PSD3: variants seen among roughly 807,000 people sequenced by gnomAD.
The protein encoded by PSD3 is pleckstrin and Sec7 domain containing 3.
In PSD3, 49 loss-of-function variants were observed where a neutral mutation model predicts 105.5. That is an observed-to-expected ratio of 0.46 (90% CI 0.37 to 0.59). PSD3 has a LOEUF of 0.59. Among genes scored for constraint, PSD3 ranks in the 20% least tolerant of loss-of-function variants. PSD3 has a pLI of 0.00. For synonymous variants in PSD3, 557 were observed against 457.8 expected (o/e 1.22, Z -2.77); for missense variants, 1,561 against 1,263.8 (o/e 1.24, Z -3.57).
intron 9 of PSD3, among the ~76,000 whole-genome samples, chr8:18,765,232 C>G (rs1016666144): frequency 1.3e-5 from 2 of 152,106 alleles, no homozygotes; most frequent in African/African-American, 4.8e-5. Context: ...ATTTACTTAC[C>G]TCAGTATTAT....
chr8:18,808,101 T>C (rs1199976755), intron 4 of PSD3, among the ~76,000 whole-genome samples: 1 of 152,246 alleles, frequency 6.6e-6, no homozygotes, highest in Non-Finnish European at 1.5e-5. Context: ...CTTTGTGTTT[T>C]CCCATACAAG....
chr8:18,675,096 T>TGGG (rs745547037), intron 9 of PSD3, among the ~76,000 whole-genome samples: 1 of 152,196 alleles, frequency 6.6e-6, no homozygotes, highest in Non-Finnish European at 1.5e-5. Context: ...AGTCAAGAGC[T>TGGG]GCTTCTCTCA....
chr8:18,690,433 C>G (rs935398922), intron 9 of PSD3, among the ~76,000 whole-genome samples: 8 of 152,190 alleles, frequency 5.3e-5, no homozygotes, highest in African/African-American at 1.9e-4. Flanking sequence ...AAACGTACTG[C>G]TTTATTTTTC....
chr8:18,992,420 C>G (rs966628477), intron 1 of PSD3, among the ~76,000 whole-genome samples: 2 of 152,134 alleles, frequency 1.3e-5, no homozygotes, highest in African/African-American at 2.4e-5. Context: ...TGGCACACAC[C>G]TCAATAAATA....
At chr8:18,952,187 T>C (rs1018128426) in intron 1 of PSD3, among the ~76,000 whole-genome samples, 69 of 152,278 alleles carry the variant, frequency 4.5e-4, no homozygotes, top group Admixed American at 1.4e-3. Context: ...TAAAGACGTC[T>C]ACATCCTACT....
intron 1 of PSD3, among the ~76,000 whole-genome samples, chr8:18,942,377 G>C (rs1010467213): frequency 4.6e-5 from 7 of 152,150 alleles, no homozygotes; most frequent in African/African-American, 1.7e-4. Flanking sequence ...GCAGAAGCCA[G>C]GCCCATGGAA....
intron 9 of PSD3, among the ~76,000 whole-genome samples, chr8:18,732,177 C>T (rs546060109): frequency 7.4e-4 from 112 of 151,562 alleles, no homozygotes; most frequent in Non-Finnish European, 1.4e-3. Context: ...TCCTCCCCCC[C>T]GAAAAAAAAA....
At chr8:18,709,292 C>A (rs1326682319) in intron 9 of PSD3, among the ~76,000 whole-genome samples, 2 of 152,144 alleles carry the variant, frequency 1.3e-5, no homozygotes, top group Admixed American at 1.3e-4. Context: ...GGCAGGGTCT[C>A]CCCACATGAA....
intron 10 of PSD3, among the ~76,000 whole-genome samples, chr8:18,653,962 G>A (rs1189432623): frequency 6.6e-6 from 1 of 152,038 alleles, no homozygotes; most frequent in East Asian, 1.9e-4. Flanking sequence ...GCAAGATTCT[G>A]ACTATATCCT....
At chr8:18,657,388 G>C (rs983016357) in intron 9 of PSD3, among the ~76,000 whole-genome samples, 1 of 152,156 alleles carries the variant, frequency 6.6e-6, no homozygotes, top group African/African-American at 2.4e-5. Context: ...CTTCATGAAA[G>C]TTCTCAATTG....
intron 2 of PSD3, among the ~76,000 whole-genome samples, chr8:18,878,124 T>G (rs920477463): frequency 6.6e-6 from 1 of 152,148 alleles, no homozygotes; most frequent in Non-Finnish European, 1.5e-5. Context: ...TACTTAATCT[T>G]CTTTAATTTC....
chr8:19,008,830 C>A (rs1826822466), intron 1 of PSD3, among the ~76,000 whole-genome samples: 1 of 152,180 alleles, frequency 6.6e-6, no homozygotes. Flanking sequence ...CTTATGAATG[C>A]CCTCGGCTCA....
At chr8:18,539,943 C>T (rs10095884) in intron 15 of PSD3, among the ~76,000 whole-genome samples, 4,064 of 152,230 alleles carry the variant, frequency 0.027, 194 homozygotes, top group African/African-American at 0.093. Flanking sequence ...GCTCATCAAT[C>T]ATATTGCGGC....
chr8:18,616,618 C>CTTTTTTTTTTT lies in PSD3; in HGVS notation c.2410+15994_2410+15995insAAAAAAAAAAA, dbSNP rs36197855. Among the ~76,000 whole-genome samples the CTTTTTTTTTTT allele has an allele frequency of 3.7e-4, 27 of 72,314 alleles. 2 individuals are homozygous for CTTTTTTTTTTT. The highest frequency in any genetic ancestry group is 2.0e-3 in the South Asian group (5 of 2,490). The allele number at this position is 72,314 out of a possible 152,430, so 47.4% of individuals were successfully genotyped here. A position where few individuals can be genotyped will look rare whatever the true frequency, so the allele number is the denominator to read the frequency against. On this transcript the variant is annotated intron_variant, in intron 11 of 15. Coordinates refer to ENST00000327040, the MANE Select transcript of PSD3 (RefSeq NM_015310.4). The stretch of plus-strand genomic sequence containing the variant: ...TGCTAGCCAGGCCTCATCTTCCTCT[C>CTTTTTTTTTTT]TTTTCTTTTCTTTTTTTTTTTTTGA...
chr8:18,695,788 G>C (rs553536706), intron 9 of PSD3, among the ~76,000 whole-genome samples: 6 of 152,280 alleles, frequency 3.9e-5, no homozygotes, highest in African/African-American at 1.4e-4. Flanking sequence ...CTACACTCTA[G>C]AAAGACCATT....
chr8:18,536,793 G>A (rs1457164140), intron 15 of PSD3, among the ~76,000 whole-genome samples: 1 of 150,302 alleles, frequency 6.7e-6, no homozygotes, highest in Non-Finnish European at 1.5e-5. Context: ...TCAATATATA[G>A]AACTATCATA....
intron 1 of PSD3, among the ~76,000 whole-genome samples, chr8:18,947,895 A>G (rs966369501): frequency 2.0e-5 from 3 of 152,102 alleles, no homozygotes; most frequent in Non-Finnish European, 2.9e-5. Context: ...ATTTGTAATA[A>G]AGCCTCCCAT....
intron 1 of PSD3, chr8:18,940,046 A>G (rs1270237345): frequency 1.3e-5 from 2 of 152,106 alleles, no homozygotes; most frequent in Non-Finnish European, 2.9e-5. Context: ...GAAACATACT[A>G]CCCTAGAGTG....
At chr8:18,871,240 G>A (rs1446908204) in intron 3 of PSD3, among the ~76,000 whole-genome samples, 1 of 152,192 alleles carries the variant, frequency 6.6e-6, no homozygotes, top group African/African-American at 2.4e-5. Flanking sequence ...GCTATATAGG[G>A]TGTGTCAAAA....
Sources: allele counts gnomAD v4.1 joint callset (sites outside exome capture counted in the v4.1 genomes callset), GRCh38; gene constraint gnomAD v4.1.1; transcripts MANE v1.5; gene names NCBI Gene and HGNC (gene_info 2026-07-23, HGNC 2026-07-21).